The following SUGCT variants were observed in gnomAD, a reference collection of about 807,000 sequenced individuals.
The protein encoded by SUGCT is succinyl-CoA:glutarate CoA-transferase.
A neutral mutation model predicts 55.0 loss-of-function variants in SUGCT; 41 were observed. That is an observed-to-expected ratio of 0.74 (90% CI 0.58 to 0.97). The LOEUF (loss-of-function observed/expected upper bound fraction) is 0.97. Among genes scored for constraint, SUGCT ranks in the 50% least tolerant of loss-of-function variants. SUGCT has a pLI of 0.00. For missense variants in SUGCT, 568 were observed against 547.8 expected (o/e 1.04, Z -0.37); for synonymous variants, 187 against 200.4 (o/e 0.93, Z 0.56).
At chr7:40,308,876 G>T (rs1424851842) in intron 8 of SUGCT, among the ~76,000 whole-genome samples, 4 of 152,174 alleles carry the variant, frequency 2.6e-5, no homozygotes, top group Non-Finnish European at 5.9e-5. Context: ...TGGGCATGGT[G>T]TTGTGTACCT....
At chr7:40,295,862 T>G (rs1024768098) in intron 8 of SUGCT, among the ~76,000 whole-genome samples, 2 of 152,216 alleles carry the variant, frequency 1.3e-5, no homozygotes, top group African/African-American at 4.8e-5. Context: ...CTCTACCATA[T>G]GCTTAATTGC....
At chr7:40,335,750 C>G (rs1316873637) in intron 9 of SUGCT, among the ~76,000 whole-genome samples, 18 of 152,020 alleles carry the variant, frequency 1.2e-4, no homozygotes, top group Non-Finnish European at 2.2e-4. Context: ...TCTTTCTCCT[C>G]CCTGATTGCC....
intron 12 of SUGCT, among the ~76,000 whole-genome samples, chr7:40,727,545 T>C (rs575228495): frequency 8.5e-5 from 13 of 152,336 alleles, no homozygotes; most frequent in African/African-American, 2.9e-4. Flanking sequence ...ACTTCATGTC[T>C]GATATCTGTG....
intron 13 of SUGCT, among the ~76,000 whole-genome samples, chr7:40,772,543 T>TATC (rs1554418074): frequency 1.3e-4 from 20 of 150,208 alleles, no homozygotes; most frequent in Non-Finnish European, 1.9e-4. Flanking sequence ...TCTATCTATC[T>TATC]ATCTATCTAT....
intron 9 of SUGCT, among the ~76,000 whole-genome samples, chr7:40,428,407 A>G (rs1197929794): frequency 7.2e-5 from 11 of 152,070 alleles, no homozygotes; most frequent in Non-Finnish European, 1.6e-4. Context: ...TTACCTTGTC[A>G]CTTTTAAATT....
chr7:40,743,050 C>G (rs2128706190), intron 12 of SUGCT, among the ~76,000 whole-genome samples: 1 of 152,276 alleles, frequency 6.6e-6, no homozygotes, highest in East Asian at 1.9e-4. Flanking sequence ...TATAAATGTG[C>G]ATGCCCATGT....
chr7:40,168,099 C>G (rs1784502821), intron 1 of SUGCT, among the ~76,000 whole-genome samples: 1 of 152,214 alleles, frequency 6.6e-6, no homozygotes. Context: ...GCCCTCTTTA[C>G]TACCTGATTG....
chr7:41,015,942 C>T, the SUGCT span, among the ~76,000 whole-genome samples: 1 of 152,174 alleles, frequency 6.6e-6, no homozygotes, highest in Non-Finnish European at 1.5e-5. Flanking sequence ...CTGGGAAGGA[C>T]AAGCTCAGGA....
chr7:40,247,548 G>A (rs1345924179), intron 7 of SUGCT, among the ~76,000 whole-genome samples: 1 of 152,138 alleles, frequency 6.6e-6, no homozygotes, highest in Non-Finnish European at 1.5e-5. Flanking sequence ...GTGAGTCACT[G>A]TGCCTGGCCA....
chr7:40,899,093 A>C, the SUGCT span, among the ~76,000 whole-genome samples: 7 of 152,220 alleles, frequency 4.6e-5, no homozygotes, highest in South Asian at 1.5e-3. Context: ...TGAGGGTCCC[A>C]GTGGGAGAAC....
rs926119993 is a variant in SUGCT at position 40,459,026 on chromosome 7, C to A, written c.889-75C>A. On this transcript the variant is annotated intron_variant, in intron 10 of 13. Coordinates refer to ENST00000335693, the MANE Select transcript of SUGCT (RefSeq NM_001193313.2). Reference sequence around the variant, plus strand: ...TGTTCTTGAGAAGGGAGAGATAGGACCTGAACACTAGCACCCACAGGCAGG... The same window carrying A: ...TGTTCTTGAGAAGGGAGAGATAGGAACTGAACACTAGCACCCACAGGCAGG... 1.1e-5 allele frequency: 10 copies of A among 894,234 alleles called. No homozygotes were observed. The South Asian group carries it at 1.4e-4, about 13-fold the overall frequency. 55.4% of individuals were successfully genotyped at this position (894,234 alleles called of 1,614,324 possible).
chr7:40,589,224 C>G (rs1340955242), intron 12 of SUGCT, among the ~76,000 whole-genome samples: 1 of 151,934 alleles, frequency 6.6e-6, no homozygotes, highest in African/African-American at 2.4e-5. Flanking sequence ...TATGTACCTC[C>G]TTTTTCTTCT....
At chr7:40,369,017 T>C (rs1248997657) in intron 9 of SUGCT, among the ~76,000 whole-genome samples, 1 of 151,814 alleles carries the variant, frequency 6.6e-6, no homozygotes, top group African/African-American at 2.4e-5. Context: ...GGCAGAAGAA[T>C]AGCTTGAACG....
the SUGCT span, among the ~76,000 whole-genome samples, chr7:41,003,603 GTCTC>G: frequency 6.6e-6 from 1 of 152,136 alleles, no homozygotes; most frequent in African/African-American, 2.4e-5. Flanking sequence ...ATGGGCATAT[GTCTC>G]TCTATTTCCT....
At chr7:40,335,391 TC>T (rs1796626893) in intron 9 of SUGCT, among the ~76,000 whole-genome samples, 1 of 151,890 alleles carries the variant, frequency 6.6e-6, no homozygotes, top group Admixed American at 6.6e-5. Context: ...CATGGAATGT[TC>T]TTCCATTTGT....
At chr7:40,313,116 A>G (rs569291435) in intron 8 of SUGCT, among the ~76,000 whole-genome samples, 158 of 152,328 alleles carry the variant, frequency 1.0e-3, no homozygotes, top group Non-Finnish European at 1.7e-3. Context: ...AAAGAATATC[A>G]GGACCCACTC....
chr7:40,160,772 T>C (rs1473315878), intron 1 of SUGCT, among the ~76,000 whole-genome samples: 1 of 152,080 alleles, frequency 6.6e-6, no homozygotes, highest in Non-Finnish European at 1.5e-5. Flanking sequence ...TCAGAAGTCA[T>C]TAAATAAGTA....
At chr7:40,410,974 AG>A (rs1786643619) in intron 9 of SUGCT, among the ~76,000 whole-genome samples, 1 of 152,188 alleles carries the variant, frequency 6.6e-6, no homozygotes, top group South Asian at 2.1e-4. Context: ...CAGCACAAAA[AG>A]GGTTAGATTT....
chr7:40,592,464 A>G (rs936472165), intron 12 of SUGCT, among the ~76,000 whole-genome samples: 2 of 152,118 alleles, frequency 1.3e-5, no homozygotes, highest in Admixed American at 1.3e-4. Context: ...GTGGGTAGAG[A>G]GCATGCAGGG....
Sources: gnomAD v4.1 joint callset for allele counts (sites outside exome capture counted in the v4.1 genomes callset) on GRCh38, gnomAD v4.1.1 for gene constraint, MANE v1.5 for transcripts, NCBI Gene and HGNC (gene_info 2026-07-23, HGNC 2026-07-21) for gene names.